The following CC2D2A variants were observed in gnomAD, a reference collection of about 807,000 sequenced individuals.
The protein encoded by CC2D2A is coiled-coil and C2 domain containing 2A.
A neutral mutation model predicts 212.9 loss-of-function variants in CC2D2A; 155 were observed. The observed-to-expected ratio is 0.73, with a 90% CI of 0.64 to 0.83. The LOEUF (loss-of-function observed/expected upper bound fraction) is 0.83, where lower values mean the gene tolerates loss of function less well. Among genes scored for constraint, CC2D2A ranks in the 40% least tolerant of loss-of-function variants. The pLI, the probability that CC2D2A is intolerant of heterozygous loss-of-function variation, is 0.00. For missense variants in CC2D2A, 1,856 were observed against 1,956.2 expected (o/e 0.95, Z 0.97); for synonymous variants, 667 against 686.5 (o/e 0.97, Z 0.44).
At chr4:15,543,380 A>G (rs1439629315) in intron 17 of CC2D2A, among the ~76,000 whole-genome samples, 2 of 152,168 alleles carry the variant, frequency 1.3e-5, no homozygotes, top group Non-Finnish European at 2.9e-5. Context: ...TATGAGTGAG[A>G]GGAGAAAGCA....
At chr4:15,520,003 G>A (rs982451896) in intron 11 of CC2D2A, among the ~76,000 whole-genome samples, 2 of 152,252 alleles carry the variant, frequency 1.3e-5, no homozygotes, top group East Asian at 1.9e-4. Flanking sequence ...CATCATTTTT[G>A]TCTATAAAGA....
intron 19 of CC2D2A, among the ~76,000 whole-genome samples, chr4:15,554,838 C>T (rs1045870023): frequency 6.6e-6 from 1 of 152,220 alleles, no homozygotes; most frequent in African/African-American, 2.4e-5. Context: ...ATGCACTGGA[C>T]AGAGTTGTAG....
At chr4:15,527,790 A>G in intron 12 of CC2D2A, 134 bp downstream of exon 12, 1 of 676,068 alleles carries the variant, frequency 1.5e-6, no homozygotes, top group East Asian at 2.7e-5. Flanking sequence ...TGTGTGATAC[A>G]TTATCCAGCT....
intron 4 of CC2D2A, chr4:15,481,050 A>G (rs1184114847): frequency 2.0e-6 from 1 of 501,412 alleles, no homozygotes; most frequent in Non-Finnish European, 3.7e-6. Flanking sequence ...TATTATTTGG[A>G]TGTTTGTCCC....
At chr4:15,491,410 G>A (rs960185034) in intron 4 of CC2D2A, among the ~76,000 whole-genome samples, 11 of 151,590 alleles carry the variant, frequency 7.3e-5, no homozygotes, top group East Asian at 1.9e-4. Flanking sequence ...TTTACTTTTC[G>A]TTTGCTTGTT....
rs1022325907 is a variant in CC2D2A at position 15,574,243 on chromosome 4, C to T, written c.3688C>T (p.Arg1230Ter). ...MILERGFDSV[R>*]SLSEGSYITL... ...TCTTGAGCGGGGTTTTGATTCTGTC[C>T]GAAGCTTAAGTGAAGGCTCCTACAT... The change falls in exon 29 of 37, where the codon CGA (arginine) becomes TGA (stop). Residue 1230 changes from arginine (R) to a stop codon, truncating the protein, a stop_gained. Transcript: ENST00000424120. LOFTEE classifies it high-confidence loss of function. 12 of 1,551,468 alleles carry T rather than the reference C, an allele frequency of 7.7e-6. No individual in the cohort carries two copies. Among genetic ancestry groups the T allele is most frequent in the East Asian group, 4.9e-5 (2 of 40,904 alleles).
In CC2D2A at chr4:15,536,919, G is replaced by A; in HGVS notation, c.1608-1G>A. 1 of 1,612,034 alleles carries A rather than the reference G, an allele frequency of 6.2e-7. No individual in the cohort carries two copies. The highest frequency in any genetic ancestry group is 2.2e-5 in the East Asian group (1 of 44,880). On this transcript the variant is annotated splice_acceptor_variant, in intron 14 of 36. Transcript: ENST00000424120. LOFTEE classifies it high-confidence loss of function. ...CCAAGGGACTACAAATTATTTTAAA[G>A]GGAAAAAGCTGACCAGAAAGCAGAT...
intron 7 of CC2D2A, 78 bp downstream of exon 7, chr4:15,510,318 G>T: frequency 1.6e-6 from 2 of 1,271,392 alleles, no homozygotes; most frequent in South Asian, 2.6e-5. Context: ...ACTACAGGCC[G>T]GGTGTGGTGG....
At chr4:15,521,559 A>T (rs928830084) in intron 11 of CC2D2A, among the ~76,000 whole-genome samples, 1 of 152,128 alleles carries the variant, frequency 6.6e-6, no homozygotes, top group Non-Finnish European at 1.5e-5. Flanking sequence ...AGTTTCTGGC[A>T]TGATGCAAGA....
chr4:15,484,673 T>C (rs1320099714), intron 4 of CC2D2A, among the ~76,000 whole-genome samples: 1 of 152,138 alleles, frequency 6.6e-6, no homozygotes, highest in Non-Finnish European at 1.5e-5. Flanking sequence ...AGCAGGAAGG[T>C]TGCCTCCATG....
chr4:15,479,440 G>C, intron 3 of CC2D2A: 1 of 885,978 alleles, frequency 1.1e-6, no homozygotes, highest in Non-Finnish European at 1.8e-6. Context: ...GGAGGGGAGA[G>C]AAGCGCCATT....
chr4:15,530,564 C>T (rs1717796812), intron 13 of CC2D2A, among the ~76,000 whole-genome samples: 1 of 151,974 alleles, frequency 6.6e-6, no homozygotes, highest in South Asian at 2.1e-4. Context: ...ATCAGAAATA[C>T]GTGTGAGATC....
At chr4:15,557,927 G>A (rs911588499) in intron 21 of CC2D2A, among the ~76,000 whole-genome samples, 3 of 152,168 alleles carry the variant, frequency 2.0e-5, no homozygotes, top group African/African-American at 7.2e-5. Flanking sequence ...AGCACTACAG[G>A]GAAAACTAGA....
intron 12 of CC2D2A, 54 bp from the exon 13 acceptor site, chr4:15,528,566 C>A: frequency 1.4e-6 from 2 of 1,478,162 alleles, no homozygotes; most frequent in Non-Finnish European, 1.9e-6. Context: ...TCCAGTTGCA[C>A]TGCAGTAGGG....
intron 6 of CC2D2A, among the ~76,000 whole-genome samples, chr4:15,503,530 C>A (rs1234866872): frequency 6.6e-6 from 1 of 152,158 alleles, no homozygotes; most frequent in African/African-American, 2.4e-5. Flanking sequence ...AGCTCTATAT[C>A]ATTTCCAGTC....
chr4:15,511,742 T>C (rs192308024), intron 8 of CC2D2A: 113 of 164,992 alleles, frequency 6.8e-4, no homozygotes, highest in African/African-American at 2.6e-3. Flanking sequence ...GTGCAAAATA[T>C]GTTCCTCTGC....
intron 17 of CC2D2A, among the ~76,000 whole-genome samples, chr4:15,548,657 A>T (rs1718834506): frequency 6.6e-6 from 1 of 152,156 alleles, no homozygotes; most frequent in African/African-American, 2.4e-5. Context: ...CATGCCAATG[A>T]GTTTGTAATT....
chr4:15,504,771 G>T (rs1306425855), intron 6 of CC2D2A, among the ~76,000 whole-genome samples: 1 of 152,120 alleles, frequency 6.6e-6, no homozygotes, highest in Non-Finnish European at 1.5e-5. Context: ...AACATCAACT[G>T]CTTTGTCTTT....
At position 15,573,062 on chromosome 4, in the gene CC2D2A, G is replaced by A. The variant is rs1720239963; in HGVS notation, c.3595-1088G>A. On this transcript the variant is annotated intron_variant, in intron 28 of 36. Transcript: ENST00000424120. ...TCAGATGGTGCCCACCCAGTCCACT[G>A]ACTCAAATGTTAATCTCCCTTGGCA... 1.3e-5 allele frequency among the ~76,000 whole-genome samples: 2 copies of A among 152,106 alleles called. 1 individual carries two copies. Among genetic ancestry groups the A allele is most frequent in the South Asian group, 4.2e-4 (2 of 4,818 alleles).
Sources: gnomAD v4.1 joint callset for allele counts (sites outside exome capture counted in the v4.1 genomes callset) on GRCh38, gnomAD v4.1.1 for gene constraint, MANE v1.5 for transcripts, NCBI Gene and HGNC (gene_info 2026-07-23, HGNC 2026-07-21) for gene names.